The following ATF3 variants were observed in gnomAD, a reference collection of about 807,000 sequenced individuals.
ATF3 encodes the protein cyclic AMP-dependent transcription factor ATF-3.
ATF3 carries 10 observed loss-of-function variants against 18.4 expected under a neutral mutation model. The observed-to-expected ratio is 0.54, with a 90% CI of 0.34 to 0.92. The LOEUF (loss-of-function observed/expected upper bound fraction) is 0.92. Among genes scored for constraint, ATF3 ranks in the 40% least tolerant of loss-of-function variants. The probability of loss-of-function intolerance (pLI) is 0.02; values close to 1 mark genes in which losing one functional copy is unlikely to be tolerated. For missense variants in ATF3, 183 were observed against 222.3 expected (o/e 0.82, Z 1.12); for synonymous variants, 78 against 87.9 (o/e 0.89, Z 0.63).
At chr1:212,593,437 T>TA (rs538588708) in intron 1 of ATF3, among the ~76,000 whole-genome samples, 191 of 144,412 alleles carry the variant, frequency 1.3e-3, no homozygotes, top group Admixed American at 1.9e-3. Context: ...ACTTAAAGTA[T>TA]AAAAAAAAAA....
chr1:212,606,936 GC>G (rs1397426837), upstream of ATF3, among the ~76,000 whole-genome samples: 1 of 152,168 alleles, frequency 6.6e-6, no homozygotes, highest in Non-Finnish European at 1.5e-5. Context: ...GGAGGGTGGG[GC>G]CCGGAGAGCC....
chr1:212,576,036 G>A (rs543702157), intron 1 of ATF3, among the ~76,000 whole-genome samples: 3 of 152,132 alleles, frequency 2.0e-5, no homozygotes, highest in African/African-American at 7.2e-5. Flanking sequence ...AATTTTTGTC[G>A]TTTAAAGCAG....
At position 212,619,278 on chromosome 1, in the gene ATF3, C is replaced by T. The variant is rs1367965671; in HGVS notation, c.349-80C>T. 1 of 1,611,570 alleles carries T rather than the reference C, an allele frequency of 6.2e-7. No individual in the cohort carries two copies. Among genetic ancestry groups the T allele is most frequent in the Admixed American group, 1.7e-5 (1 of 60,022 alleles). On this transcript the variant is annotated intron_variant, in intron 3 of 3. Transcript: ENST00000341491. This position sits in a 1 kb window ranked among gnomAD's most constrained non-coding sequence, Gnocchi z 4.4. ...CCGGTGTGTCCCAGGTACACCCCTGCATCCAGGCAGCAGCCCAGGCCACCC... is the reference window on the plus strand; with the variant it reads ...CCGGTGTGTCCCAGGTACACCCCTGTATCCAGGCAGCAGCCCAGGCCACCC...
upstream of ATF3, among the ~76,000 whole-genome samples, chr1:212,605,887 T>C (rs995888279): frequency 1.3e-5 from 2 of 152,338 alleles, no homozygotes; most frequent in Middle Eastern, 6.8e-3. Context: ...CTTAACCCTC[T>C]TTCATTGAGG....
At chr1:212,609,371 CG>C (rs1284357631) in intron 1 of ATF3, among the ~76,000 whole-genome samples, 2 of 530 alleles carry the variant, frequency 3.8e-3, no homozygotes, top group Non-Finnish European at 0.013. Flanking sequence ...CGATCCTTCC[CG>C]GGTGGGGGGG....
chr1:212,568,634 G>T (rs1664425366), intron 1 of ATF3, among the ~76,000 whole-genome samples: 1 of 152,110 alleles, frequency 6.6e-6, no homozygotes, highest in African/African-American at 2.4e-5. Context: ...CAGGATCTGT[G>T]GTCCCATCCC....
At chr1:212,616,936 GGTCT>G (rs1655153419) in intron 2 of ATF3, among the ~76,000 whole-genome samples, 1 of 152,084 alleles carries the variant, frequency 6.6e-6, no homozygotes, top group South Asian at 2.1e-4. Context: ...AAGAGCAGGA[GGTCT>G]GTCCTATTCT....
chr1:212,602,930 C>T (rs79611568), intron 1 of ATF3, among the ~76,000 whole-genome samples: 208 of 152,304 alleles, frequency 1.4e-3, no homozygotes, highest in African/African-American at 4.4e-3. Context: ...ATGTTTAATA[C>T]AACACAATAT....
At chr1:212,587,540 G>A (rs1415697204) in intron 1 of ATF3, among the ~76,000 whole-genome samples, 1 of 152,148 alleles carries the variant, frequency 6.6e-6, no homozygotes, top group Non-Finnish European at 1.5e-5. Flanking sequence ...GCTGGACTCA[G>A]GGAAGCTGCC....
intron 1 of ATF3, among the ~76,000 whole-genome samples, chr1:212,599,645 C>T (rs2102640544): frequency 1.3e-5 from 2 of 152,178 alleles, no homozygotes; most frequent in East Asian, 3.8e-4. Context: ...TCTTTGACAT[C>T]CCACTGCTAA....
In ATF3 at chr1:212,619,684, C is replaced by T. The variant is rs748543188; in HGVS notation, c.*129C>T. 29 of 1,329,380 alleles carry T rather than the reference C, an allele frequency of 2.2e-5. No homozygotes were observed. The South Asian group carries it at 2.9e-4, about 13-fold the overall frequency. The allele number at this position is 1,329,380 out of a possible 1,614,324, so 82.3% of individuals were successfully genotyped here. ...TCCCAGCAGCAGAGAACCATCAAGG[C>T]GGGAGGGCCTGCAGTGATTCAGCAG... On this transcript the variant is annotated 3_prime_UTR_variant, in exon 4 of 4. Coordinates refer to ENST00000341491, the MANE Select transcript of ATF3 (RefSeq NM_001674.4). The surrounding 1 kb of genome is among the most constrained non-coding windows in gnomAD (Gnocchi z 4.4).
rs538355605 is a variant in ATF3, at chr1:212,597,516, C to T, written c.-4-17502C>T. Among the ~76,000 whole-genome samples the T allele has an allele frequency of 2.6e-5, 4 of 152,172 alleles. No individual in the cohort carries two copies. In the East Asian group the frequency reaches 7.7e-4, roughly 29 times the overall value. On this transcript the variant is annotated intron_variant, in intron 1 of 3. Transcript: ENST00000366981. ...TATCTAGCAATCATCTATCTTTTCA[C>T]CCCCTGCCCCATATCAACCCTGCAA...
At chr1:212,572,922 G>T in intron 1 of ATF3, among the ~76,000 whole-genome samples, 1 of 152,116 alleles carries the variant, frequency 6.6e-6, no homozygotes. Context: ...TTTTTATACA[G>T]ACAATTTGTA....
intron 1 of ATF3, among the ~76,000 whole-genome samples, chr1:212,571,714 CTTT>C (rs36034401): frequency 2.4e-5 from 3 of 126,808 alleles, no homozygotes; most frequent in African/African-American, 6.0e-5. Context: ...CCAGCCAATA[CTTT>C]TTTTTTTTTT....
At chr1:212,605,468 A>G (rs1358326289), upstream of ATF3, among the ~76,000 whole-genome samples, 2 of 152,220 alleles carry the variant, frequency 1.3e-5, no homozygotes, top group Non-Finnish European at 2.9e-5. Context: ...AGCTGCTAGT[A>G]CTCTGCCGCT....
At chr1:212,605,328 A>G (rs1558235449), upstream of ATF3, among the ~76,000 whole-genome samples, 1 of 152,198 alleles carries the variant, frequency 6.6e-6, no homozygotes, top group Non-Finnish European at 1.5e-5. Context: ...TTTGGACACT[A>G]TTAAACTAGC....
chr1:212,603,391 T>C (rs1571777733), intron 1 of ATF3, among the ~76,000 whole-genome samples: 1 of 152,178 alleles, frequency 6.6e-6, no homozygotes, highest in African/African-American at 2.4e-5. Flanking sequence ...GATTTTTTGT[T>C]TGGATGTTAG....
intron 1 of ATF3, among the ~76,000 whole-genome samples, chr1:212,572,706 C>T (rs1326246348): frequency 1.3e-5 from 2 of 152,204 alleles, no homozygotes; most frequent in Non-Finnish European, 2.9e-5. Flanking sequence ...AGTATTCAAA[C>T]CTGCATTTCC....
Position 212,618,375 on chromosome 1 carries a change from C to A in ATF3, c.348+141C>A. 1.2e-6 allele frequency: 1 copy of A among 853,878 alleles called. No individual in the cohort carries two copies. The highest frequency in any genetic ancestry group is 2.0e-6 in the Non-Finnish European group (1 of 499,110). 52.9% of individuals were successfully genotyped at this position (853,878 alleles called of 1,614,324 possible). A position where few individuals can be genotyped will look rare whatever the true frequency, so the allele number is the denominator to read the frequency against. On this transcript the variant is annotated intron_variant, in intron 3 of 3. Coordinates refer to ENST00000341491, the MANE Select transcript of ATF3 (RefSeq NM_001674.4). This position sits in a 1 kb window ranked among gnomAD's most constrained non-coding sequence, Gnocchi z 4.4. ...GGCCTTGTAGCTGGTAGCAGAAATG[C>A]CAGTTGCAGAATGAGGAGGTGGCAA...
Sources: gnomAD v4.1 joint callset for allele counts (sites outside exome capture counted in the v4.1 genomes callset) on GRCh38, gnomAD v4.1.1 for gene constraint, Gnocchi (gnomAD v3.1) non-coding constraint, MANE v1.5 for transcripts, NCBI Gene and HGNC (gene_info 2026-07-23, HGNC 2026-07-21) for gene names.